ENTREP2: variants seen among roughly 807,000 people sequenced by gnomAD.
ENTREP2 encodes protein ENTREP2.
chr15:29,356,268 G>GTATATA, the ENTREP2 span, among the ~76,000 whole-genome samples: 157 of 57,586 alleles, frequency 2.7e-3, no homozygotes, highest in Non-Finnish European at 3.0e-3. Flanking sequence ...GTGTGTGTGT[G>GTATATA]TATATATATA....
At chr15:29,351,433 G>A in the ENTREP2 span, among the ~76,000 whole-genome samples, 1 of 152,100 alleles carries the variant, frequency 6.6e-6, no homozygotes, top group Non-Finnish European at 1.5e-5. Context: ...ATAATAACAG[G>A]TGTGTGATCA....
chr15:29,445,535 GGA>G, the ENTREP2 span, among the ~76,000 whole-genome samples: 2 of 152,170 alleles, frequency 1.3e-5, no homozygotes, highest in Non-Finnish European at 2.9e-5. Context: ...AACTGGATTT[GGA>G]GAGCTTCCAG....
At chr15:29,212,856 G>C in the ENTREP2 span, among the ~76,000 whole-genome samples, 1 of 152,204 alleles carries the variant, frequency 6.6e-6, no homozygotes. Flanking sequence ...TAGATGTGAA[G>C]TCCTGGCCCA....
chr15:29,414,856 GAATACTATAAACACCTCT>G, the ENTREP2 span, among the ~76,000 whole-genome samples: 755 of 152,240 alleles, frequency 5.0e-3, 5 homozygotes, highest in African/African-American at 0.016. Context: ...TACCATCAGA[GAATACTATAAACACCTCT>G]ACACAAATAA....
At chr15:29,206,492 G>A in the ENTREP2 span, among the ~76,000 whole-genome samples, 8 of 152,144 alleles carry the variant, frequency 5.3e-5, no homozygotes, top group Non-Finnish European at 8.8e-5. Flanking sequence ...TAATCACAGT[G>A]CAACATGGGT....
the ENTREP2 span, among the ~76,000 whole-genome samples, chr15:29,125,879 G>A: frequency 3.3e-5 from 5 of 152,316 alleles, no homozygotes; most frequent in South Asian, 8.3e-4. Flanking sequence ...TGCTGAAAAC[G>A]CACCTGTGTC....
the ENTREP2 span, among the ~76,000 whole-genome samples, chr15:29,624,098 T>C: frequency 6.6e-6 from 1 of 152,234 alleles, no homozygotes; most frequent in Non-Finnish European, 1.5e-5. Context: ...ATATCCAGGA[T>C]ATAAGTTCCC....
chr15:29,255,728 G>A, the ENTREP2 span, among the ~76,000 whole-genome samples: 17 of 152,144 alleles, frequency 1.1e-4, no homozygotes, highest in African/African-American at 3.6e-4. Context: ...ATGGCCAGGC[G>A]CGGTGGCTCA....
the ENTREP2 span, among the ~76,000 whole-genome samples, chr15:29,433,819 G>A: frequency 1.3e-5 from 2 of 149,386 alleles, no homozygotes; most frequent in African/African-American, 4.9e-5. Flanking sequence ...TCTGGCCCTA[G>A]GATCTGTGCA....
chr15:29,570,690 G>A, the ENTREP2 span: 1 of 1,166,562 alleles, frequency 8.6e-7, no homozygotes, highest in African/African-American at 1.6e-5. Context: ...AGCGCGGCGG[G>A]ACGCGGCGCT....
At chr15:29,356,290 A>G in the ENTREP2 span, among the ~76,000 whole-genome samples, 1 of 55,348 alleles carries the variant, frequency 1.8e-5, no homozygotes, top group Non-Finnish European at 3.4e-5. Flanking sequence ...ATATATATAT[A>G]TATATATTTT....
At chr15:29,276,236 T>C in the ENTREP2 span, among the ~76,000 whole-genome samples, 1 of 152,214 alleles carries the variant, frequency 6.6e-6, no homozygotes, top group Non-Finnish European at 1.5e-5. Context: ...AGCCTGGTCT[T>C]AGACTCTCTT....
chr15:29,182,556 G>A, the ENTREP2 span, among the ~76,000 whole-genome samples: 572 of 151,998 alleles, frequency 3.8e-3, 2 homozygotes, highest in African/African-American at 0.013. Flanking sequence ...AAAAACAGAA[G>A]GCTAAATGAA....
At chr15:29,221,813 T>C in the ENTREP2 span, among the ~76,000 whole-genome samples, 7 of 152,202 alleles carry the variant, frequency 4.6e-5, no homozygotes, top group African/African-American at 1.7e-4. Flanking sequence ...TAAGGAACAC[T>C]GCACGATTTT....
chr15:29,258,460 G>T, the ENTREP2 span, among the ~76,000 whole-genome samples: 1 of 151,470 alleles, frequency 6.6e-6, no homozygotes, highest in African/African-American at 2.4e-5. Flanking sequence ...GAAAGTCAAG[G>T]AGGTAAGAGA....
chr15:29,624,832 A>C, the ENTREP2 span, among the ~76,000 whole-genome samples: 1 of 150,908 alleles, frequency 6.6e-6, no homozygotes, highest in South Asian at 2.1e-4. Context: ...TTACACTGCA[A>C]CCTTACTCAG....
the ENTREP2 span, among the ~76,000 whole-genome samples, chr15:29,600,887 A>T: frequency 7.6e-6 from 1 of 131,200 alleles, no homozygotes; most frequent in East Asian, 2.1e-4. Context: ...AATGGGGAAA[A>T]TATGATTTTT....
the ENTREP2 span, among the ~76,000 whole-genome samples, chr15:29,629,739 T>C: frequency 6.6e-6 from 1 of 152,168 alleles, no homozygotes; most frequent in Non-Finnish European, 1.5e-5. Context: ...TTCTATTGTT[T>C]TTTTCTTTCA....
the ENTREP2 span, among the ~76,000 whole-genome samples, chr15:29,371,564 T>A: frequency 6.6e-6 from 1 of 152,112 alleles, no homozygotes; most frequent in Non-Finnish European, 1.5e-5. Flanking sequence ...GAATATCTGA[T>A]AAACAGAATT....
Sources: allele counts gnomAD v4.1 joint callset (sites outside exome capture counted in the v4.1 genomes callset), GRCh38; gene constraint gnomAD v4.1.1; transcripts MANE v1.5; gene names NCBI Gene and HGNC (gene_info 2026-07-23, HGNC 2026-07-21).